Variants in ABI3BP observed in about 807,000 individuals in gnomAD.
ABI3BP encodes the protein ABI family member 3 binding protein.
Under a neutral mutation model 268.6 loss-of-function variants are expected in ABI3BP, and 216 were observed. The observed-to-expected ratio is 0.80, with a 90% CI of 0.72 to 0.90. The LOEUF (loss-of-function observed/expected upper bound fraction) is 0.90. ABI3BP is among the 40% of genes least tolerant of loss of function. The probability of loss-of-function intolerance (pLI) is 0.00; values close to 1 mark genes in which losing one functional copy is unlikely to be tolerated. For missense variants in ABI3BP, 2,090 were observed against 2,182.4 expected (o/e 0.96, Z 0.84); for synonymous variants, 730 against 730.0 (o/e 1.00, Z 0.00).
At chr3:100,808,389 T>A (rs2097769223) in intron 49 of ABI3BP, among the ~76,000 whole-genome samples, 154 bp from the exon 50 acceptor site, 1 of 152,014 alleles carries the variant, frequency 6.6e-6, no homozygotes, top group Admixed American at 6.6e-5. Flanking sequence ...GGAAGGTAAC[T>A]TTTTTATATA....
At chr3:100,943,523 C>A (rs1168809061) in intron 1 of ABI3BP, among the ~76,000 whole-genome samples, 2 of 152,094 alleles carry the variant, frequency 1.3e-5, no homozygotes, top group Non-Finnish European at 2.9e-5. Flanking sequence ...ATATCATCAT[C>A]AACCCAGAAA....
chr3:100,898,906 G>C lies in ABI3BP; in HGVS notation c.329-12C>G. 6.3e-7 allele frequency: 1 copy of C among 1,596,552 alleles called. No individual in the cohort carries two copies. Among genetic ancestry groups the C allele is most frequent in the Non-Finnish European group, 8.5e-7 (1 of 1,172,742 alleles). On this transcript the variant is annotated splice_polypyrimidine_tract_variant and intron_variant, in intron 3 of 67. Coordinates refer to ENST00000471714, the MANE Select transcript of ABI3BP (RefSeq NM_001375547.2). ...AGAACGAGTTTTACCTGTGGAGGTGGCATAGAGGTTAATAATTCAGGAGAC... is the reference window on the plus strand; with the variant it reads ...AGAACGAGTTTTACCTGTGGAGGTGCCATAGAGGTTAATAATTCAGGAGAC...
At chr3:100,809,418 A>G (rs1327239514) in intron 49 of ABI3BP, among the ~76,000 whole-genome samples, 5 of 152,114 alleles carry the variant, frequency 3.3e-5, no homozygotes, top group Non-Finnish European at 5.9e-5. Context: ...TAGGCATGTC[A>G]TAAAGCAATT....
chr3:100,940,254 G>T (rs2068332002), intron 1 of ABI3BP, among the ~76,000 whole-genome samples: 2 of 151,898 alleles, frequency 1.3e-5, no homozygotes, highest in Admixed American at 1.3e-4. Flanking sequence ...GTACTGATTG[G>T]GGAAGTGATA....
At chr3:100,861,942 A>G (rs2099003393) in intron 14 of ABI3BP, among the ~76,000 whole-genome samples, 1 of 152,230 alleles carries the variant, frequency 6.6e-6, no homozygotes, top group African/African-American at 2.4e-5. Flanking sequence ...AAAAAGAAGC[A>G]AATATTCCCT....
intron 1 of ABI3BP, among the ~76,000 whole-genome samples, chr3:100,926,903 A>T (rs2061960752): frequency 6.6e-6 from 1 of 152,128 alleles, no homozygotes; most frequent in African/African-American, 2.4e-5. Flanking sequence ...TTAGTCATTG[A>T]CAGAGTTGGA....
rs530178791 is a variant in ABI3BP, at chr3:100,776,421, G to T, written c.4334-1086C>A. Among the ~76,000 whole-genome samples, 5 of 152,340 alleles carry T rather than the reference G, an allele frequency of 3.3e-5. No homozygotes were observed. In the East Asian group the frequency reaches 7.7e-4, roughly 24 times the overall value. On this transcript the variant is annotated intron_variant, in intron 59 of 67. Transcript: ENST00000471714. ...CTTTCCAGAGTTGACAGAGACAACA[G>T]GAAATGCTGGCATAGCATAGCATTT...
intron 1 of ABI3BP, among the ~76,000 whole-genome samples, chr3:100,960,692 A>T (rs942521779): frequency 2.0e-5 from 3 of 152,226 alleles, no homozygotes; most frequent in African/African-American, 7.2e-5. Context: ...TTCAACCCAT[A>T]AGTGCGGACT....
intron 1 of ABI3BP, among the ~76,000 whole-genome samples, chr3:100,973,046 T>G (rs1562200917): frequency 6.6e-6 from 1 of 152,244 alleles, no homozygotes; most frequent in Non-Finnish European, 1.5e-5. Context: ...TTCCCATTTT[T>G]GTGCTTTTTG....
At chr3:100,910,988 A>G (rs2056199776) in intron 2 of ABI3BP, 1 of 163,938 alleles carries the variant, frequency 6.1e-6, no homozygotes, top group Non-Finnish European at 1.3e-5. Context: ...GAGACTGGAT[A>G]TTCACTAGAT....
intron 51 of ABI3BP, among the ~76,000 whole-genome samples, chr3:100,798,561 A>G (rs777620071): frequency 4.6e-5 from 7 of 151,736 alleles, no homozygotes; most frequent in Admixed American, 6.6e-5. Flanking sequence ...AATATTTACT[A>G]TTATTATAAT....
chr3:100,868,516 GGTTCAAA>G (rs2099076652), intron 9 of ABI3BP, among the ~76,000 whole-genome samples: 1 of 151,998 alleles, frequency 6.6e-6, no homozygotes, highest in Non-Finnish European at 1.5e-5. Context: ...TGTTAATGTG[GGTTCAAA>G]AATATTTACT....
chr3:100,864,058 G>A lies in ABI3BP; in HGVS notation c.1082C>T (p.Pro361Leu), dbSNP rs575394935. 2.3e-4 allele frequency: 347 copies of A among 1,536,022 alleles called. 1 individual carries two copies. The African/African-American group carries it at 3.0e-3, about 13-fold the overall frequency. ...TATTAGAATAGTTTGCAATGTTTCC[G>A]GGGTCCTTTTGCTGAGAACTACAAT... ...ETTLVLSKRT[P>L]ETLQTILIPQ... The change falls in exon 12 of 68, where the codon CCG (proline) becomes CTG (leucine). Residue 361 changes from proline to leucine, a missense_variant. Pro to Leu is a moderately conservative substitution (Grantham distance 98). Transcript: ENST00000471714.
chr3:100,921,747 G>A (rs936192564), intron 2 of ABI3BP, among the ~76,000 whole-genome samples: 2 of 152,166 alleles, frequency 1.3e-5, no homozygotes, highest in Non-Finnish European at 2.9e-5. Flanking sequence ...TGGAAAAGCA[G>A]TAAGTGACTT....
At chr3:100,945,803 G>A in intron 1 of ABI3BP, 1 of 247,140 alleles carries the variant, frequency 4.0e-6, no homozygotes, top group Non-Finnish European at 8.1e-6. Context: ...AAGTCTTTGT[G>A]TGAACATATA....
At position 100,908,596 on chromosome 3, in the gene ABI3BP, G is replaced by A. The variant is rs544799653; in HGVS notation, c.260-5910C>T. ...AAATCAATGTGCAAAAATCACAAGCGTTCTTATACACCAATAACAGACAAA... is the reference window on the plus strand; with the variant it reads ...AAATCAATGTGCAAAAATCACAAGCATTCTTATACACCAATAACAGACAAA... On this transcript the variant is annotated intron_variant, in intron 2 of 67. Transcript: ENST00000471714. Among the ~76,000 whole-genome samples the A allele has an allele frequency of 1.1e-4, 16 of 149,246 alleles. 1 individual carries two copies. In the South Asian group the frequency reaches 1.3e-3, roughly 12 times the overall value.
chr3:100,824,003 C>T (rs574231955), intron 36 of ABI3BP, among the ~76,000 whole-genome samples: 1 of 152,314 alleles, frequency 6.6e-6, no homozygotes, highest in African/African-American at 2.4e-5. Context: ...CATCTATACA[C>T]AGAGTTTGAG....
At chr3:100,931,038 T>C (rs2063467343) in intron 1 of ABI3BP, 1 of 152,102 alleles carries the variant, frequency 6.6e-6, no homozygotes, top group African/African-American at 2.4e-5. Context: ...TGGCTTAACA[T>C]ATGCAAATTA....
intron 2 of ABI3BP, among the ~76,000 whole-genome samples, chr3:100,906,583 C>T (rs936577889): frequency 1.3e-5 from 2 of 152,156 alleles, no homozygotes; most frequent in African/African-American, 2.4e-5. Context: ...AAGATATATA[C>T]CTAAAATGTC....
Sources: gnomAD v4.1 joint callset for allele counts (sites outside exome capture counted in the v4.1 genomes callset) on GRCh38, gnomAD v4.1.1 for gene constraint, MANE v1.5 for transcripts, NCBI Gene and HGNC (gene_info 2026-07-23, HGNC 2026-07-21) for gene names.